SLC30A8: variants seen among roughly 807,000 people sequenced by gnomAD.
SLC30A8 encodes the protein proton-coupled zinc antiporter SLC30A8.
A neutral mutation model predicts 36.9 loss-of-function variants in SLC30A8; 27 were observed. That is an observed-to-expected ratio of 0.73 (90% confidence interval 0.54 to 1.01). The LOEUF (loss-of-function observed/expected upper bound fraction) is 1.01. SLC30A8 is among the 50% of genes least tolerant of loss of function. The pLI, the probability that SLC30A8 is intolerant of heterozygous loss-of-function variation, is 0.00. For missense variants in SLC30A8, 439 were observed against 452.0 expected (o/e 0.97, Z 0.26); for synonymous variants, 164 against 172.4 (o/e 0.95, Z 0.38).
At chr8:117,016,598 G>GT (rs1272620468) in intron 1 of SLC30A8, among the ~76,000 whole-genome samples, 14 of 152,236 alleles carry the variant, frequency 9.2e-5, no homozygotes, top group African/African-American at 3.1e-4. Flanking sequence ...AACAAATACT[G>GT]TCATCATTTC....
At chr8:116,976,822 CTT>C (rs763561636) in intron 1 of SLC30A8, among the ~76,000 whole-genome samples, 6 of 34,886 alleles carry the variant, frequency 1.7e-4, no homozygotes, top group Admixed American at 2.5e-4. Context: ...TTCTTTCTTT[CTT>C]TTTTTTTTTT....
intron 1 of SLC30A8, among the ~76,000 whole-genome samples, chr8:117,139,480 T>A (rs184966435): frequency 1.6e-4 from 25 of 152,220 alleles, no homozygotes; most frequent in Admixed American, 1.2e-3. Context: ...TGGACTTCCA[T>A]CCTCTGGAGC....
At chr8:117,024,922 GC>G (rs1329674625) in intron 1 of SLC30A8, among the ~76,000 whole-genome samples, 1 of 152,000 alleles carries the variant, frequency 6.6e-6, no homozygotes, top group Non-Finnish European at 1.5e-5. Flanking sequence ...TGGGTATTAA[GC>G]CCAGTATCCA....
At chr8:117,038,380 C>T (rs1817281265) in intron 1 of SLC30A8, among the ~76,000 whole-genome samples, 1 of 152,078 alleles carries the variant, frequency 6.6e-6, no homozygotes, top group East Asian at 1.9e-4. Flanking sequence ...GTATGCATTC[C>T]TTTGAAACCA....
At chr8:117,161,696 G>T in intron 4 of SLC30A8, 42 bp from the exon 5 acceptor site, 1 of 1,563,550 alleles carries the variant, frequency 6.4e-7, no homozygotes, top group South Asian at 1.2e-5. Context: ...ACGTTTTTAA[G>T]ACTGACCTCA....
intron 2 of SLC30A8, among the ~76,000 whole-genome samples, chr8:117,090,962 C>G (rs918213320): frequency 3.9e-5 from 6 of 152,120 alleles, no homozygotes; most frequent in African/African-American, 1.4e-4. Context: ...AGTAGGTGTT[C>G]ATAAAATATG....
At chr8:116,956,901 C>T (rs1346829975) in intron 1 of SLC30A8, among the ~76,000 whole-genome samples, 1 of 152,114 alleles carries the variant, frequency 6.6e-6, no homozygotes, top group Non-Finnish European at 1.5e-5. Flanking sequence ...TATTCATAGG[C>T]CTTAAAGCAT....
At chr8:117,123,486 G>T (rs1454520242) in intron 2 of SLC30A8, among the ~76,000 whole-genome samples, 1 of 151,976 alleles carries the variant, frequency 6.6e-6, no homozygotes, top group Non-Finnish European at 1.5e-5. Flanking sequence ...CTGGGAAAAT[G>T]ATCATACTTC....
At chr8:117,131,979 A>G (rs761920686), upstream of SLC30A8, among the ~76,000 whole-genome samples, 4 of 151,922 alleles carry the variant, frequency 2.6e-5, no homozygotes, top group South Asian at 2.1e-4. Flanking sequence ...TAACTTGAAA[A>G]CCCATATATT....
chr8:117,157,147 T>C (rs1037984350), intron 3 of SLC30A8, among the ~76,000 whole-genome samples: 2 of 152,212 alleles, frequency 1.3e-5, no homozygotes, highest in Admixed American at 1.3e-4. Flanking sequence ...GTCAGAGTGT[T>C]AGTCAGCCTC....
At position 117,089,539 on chromosome 8, in the gene SLC30A8, G is replaced by A. The variant is rs567196838; in HGVS notation, c.-225-45741G>A. On this transcript the variant is annotated intron_variant, in intron 2 of 10. Coordinates refer to the SLC30A8 transcript ENST00000427715. ...ATGTTTGTACTTTTTAATATCCCTT[G>A]GGCATTTTCACTTCTCTCCATCCCC... Among the ~76,000 whole-genome samples, 6 of 152,226 alleles carry A rather than the reference G, an allele frequency of 3.9e-5. No homozygotes were observed. The South Asian group carries it at 1.2e-3, about 32-fold the overall frequency.
chr8:117,015,546 C>A lies in SLC30A8; in HGVS notation c.-265-23673C>A, dbSNP rs967007796. Among the ~76,000 whole-genome samples the A allele has an allele frequency of 5.3e-5, 8 of 151,638 alleles. No homozygotes were observed. In the South Asian group the frequency reaches 1.0e-3, roughly 20 times the overall value. On this transcript the variant is annotated intron_variant, in intron 1 of 10. Transcript: ENST00000427715. ...TAGATGCTATTATGCACCCCCCCCC[C>A]CCAAAAAAAAGAGGGCGAGGGAGGG...
rs192558699 is a variant in SLC30A8, at chr8:117,176,629, T to A, written c.*3948T>A. 6.6e-6 allele frequency: 1 copy of A among 152,508 alleles called. No homozygotes were observed. The highest frequency in any genetic ancestry group is 1.5e-5 in the Non-Finnish European group (1 of 67,994). The allele number at this position is 152,508 out of a possible 1,614,324, so 9.4% of individuals were successfully genotyped here. A position where few individuals can be genotyped will look rare whatever the true frequency, so the allele number is the denominator to read the frequency against. Reference sequence around the variant, plus strand: ...TAACTTTCTGATTTCACACTTAACGTCTGTCATTCTGTTACTGGGCACCTG... The same window carrying A: ...TAACTTTCTGATTTCACACTTAACGACTGTCATTCTGTTACTGGGCACCTG... On this transcript the variant is annotated 3_prime_UTR_variant, in exon 8 of 8. Transcript: ENST00000456015.
At chr8:117,056,868 A>G (rs1039438782) in intron 2 of SLC30A8, among the ~76,000 whole-genome samples, 18 of 152,272 alleles carry the variant, frequency 1.2e-4, no homozygotes, top group African/African-American at 4.1e-4. Context: ...ATTGCTGTAG[A>G]GTGATGGGAC....
intron 1 of SLC30A8, among the ~76,000 whole-genome samples, chr8:117,029,695 C>T (rs1816975303): frequency 6.6e-6 from 1 of 152,106 alleles, no homozygotes; most frequent in Non-Finnish European, 1.5e-5. Context: ...TAATTACAAA[C>T]AAGTAGATTA....
At chr8:116,960,421 A>G (rs908146994) in intron 1 of SLC30A8, among the ~76,000 whole-genome samples, 13 of 152,218 alleles carry the variant, frequency 8.5e-5, no homozygotes, top group African/African-American at 2.7e-4. Flanking sequence ...TTAATCTAAG[A>G]AAAGATAATT....
At chr8:117,015,459 T>C (rs148426693) in intron 1 of SLC30A8, among the ~76,000 whole-genome samples, 83 of 152,276 alleles carry the variant, frequency 5.5e-4, no homozygotes, top group African/African-American at 1.9e-3. Flanking sequence ...CTGGTTCATC[T>C]TTGTCTTCTT....
At chr8:117,047,121 A>C (rs1817576942) in intron 2 of SLC30A8, among the ~76,000 whole-genome samples, 1 of 152,200 alleles carries the variant, frequency 6.6e-6, no homozygotes, top group Non-Finnish European at 1.5e-5. Context: ...AGACAGGCTA[A>C]ATAGCATTAG....
intron 2 of SLC30A8, among the ~76,000 whole-genome samples, chr8:117,066,413 C>T (rs1285595039): frequency 6.6e-6 from 1 of 152,186 alleles, no homozygotes. Flanking sequence ...AGTCAGGGCC[C>T]TGGTGATCCA....
Sources: allele counts gnomAD v4.1 joint callset (sites outside exome capture counted in the v4.1 genomes callset), GRCh38; gene constraint gnomAD v4.1.1; transcripts MANE v1.5; gene names NCBI Gene and HGNC (gene_info 2026-07-23, HGNC 2026-07-21).